The following RASGRF2 variants were observed in gnomAD, a reference collection of about 807,000 sequenced individuals.
RASGRF2 encodes the protein Ras protein specific guanine nucleotide releasing factor 2, also known as ras-specific guanine nucleotide-releasing factor 2.
In RASGRF2, 76 loss-of-function variants were observed where a neutral mutation model predicts 151.0. The ratio of observed to expected loss-of-function variants is 0.50; its 90% CI spans 0.42 to 0.61. The LOEUF (loss-of-function observed/expected upper bound fraction) is 0.61. Ranked by LOEUF, RASGRF2 falls within the 20% of genes least tolerant of loss-of-function variation. The pLI is 0.00. For missense variants in RASGRF2, 1,148 were observed against 1,564.6 expected, an observed-to-expected ratio of 0.73 and a Z score of 4.49; for synonymous variants, 504 against 566.5, an observed-to-expected ratio of 0.89 and a Z score of 1.57.
At chr5:81,123,578 G>A in intron 15 of RASGRF2, 64 bp from the exon 16 acceptor site, 1 of 1,557,784 alleles carries the variant, frequency 6.4e-7, no homozygotes, top group Non-Finnish European at 8.7e-7. Flanking sequence ...TTCCATGCAT[G>A]ATACTGACAA....
In RASGRF2 at chr5:81,182,976, G is replaced by A. The variant is rs148651905; in HGVS notation, c.2793+2695G>A. ...GTTTTTGGTTTTCACATCATAAAGC[G>A]AAGGGCTTGGATACGATGATTTTTA... On this transcript the variant is annotated intron_variant, in intron 18 of 26. Coordinates refer to ENST00000265080, the MANE Select transcript of RASGRF2 (RefSeq NM_006909.3). 1.4e-4 allele frequency among the ~76,000 whole-genome samples: 22 copies of A among 152,300 alleles called. No individual in the cohort carries two copies. The East Asian group carries it at 3.1e-3, about 21-fold the overall frequency.
At chr5:81,126,552 C>G (rs1349704887) in intron 16 of RASGRF2, among the ~76,000 whole-genome samples, 1 of 152,110 alleles carries the variant, frequency 6.6e-6, no homozygotes, top group Non-Finnish European at 1.5e-5. Context: ...TTAGCGGTCA[C>G]TCTCCATTCC....
intron 1 of RASGRF2, among the ~76,000 whole-genome samples, chr5:81,009,003 A>G (rs1055063512): frequency 2.0e-5 from 3 of 152,202 alleles, no homozygotes; most frequent in Admixed American, 6.5e-5. Flanking sequence ...GCTTTGCCAC[A>G]TAGATAGCTT....
chr5:81,207,312 C>T lies in RASGRF2; in HGVS notation c.3034C>T (p.Leu1012Phe). ...SAMELAEQIT[L>F]LDHVIFRSIP... ...CATGGAGCTGGCAGAACAGATCACCCTCCTGGACCATGTCATTTTCAGAAG... is the reference window on the plus strand; with the variant it reads ...CATGGAGCTGGCAGAACAGATCACCTTCCTGGACCATGTCATTTTCAGAAG... The change falls in exon 21 of 27, where the codon CTC becomes TTC. Residue 1012 changes from leucine (L) to phenylalanine (F), a missense_variant. Coordinates refer to ENST00000265080, the MANE Select transcript of RASGRF2 (RefSeq NM_006909.3). The T allele has an allele frequency of 6.2e-7, 1 of 1,614,168 alleles. No individual in the cohort carries two copies. The highest frequency in any genetic ancestry group is 8.5e-7 in the Non-Finnish European group (1 of 1,180,024).
At chr5:81,104,606 A>G (rs1190136838) in intron 12 of RASGRF2, among the ~76,000 whole-genome samples, 1 of 152,226 alleles carries the variant, frequency 6.6e-6, no homozygotes, top group South Asian at 2.1e-4. Flanking sequence ...ATGTGTATTC[A>G]TATTAGGTAT....
intron 12 of RASGRF2, among the ~76,000 whole-genome samples, chr5:81,101,663 TATCC>T (rs1312193616): frequency 6.6e-6 from 1 of 152,164 alleles, no homozygotes; most frequent in Admixed American, 6.5e-5. Context: ...TCCATGCATC[TATCC>T]ATCCATCCAT....
In RASGRF2 at chr5:81,116,264, G is replaced by C. The variant is rs191458339; in HGVS notation, c.2470+2344G>C. ...TGCCTTGCTAATTTTTGTATTTTTAGTAGAGACGGGCTTTCACCATGTTGG... is the reference window on the plus strand; with the variant it reads ...TGCCTTGCTAATTTTTGTATTTTTACTAGAGACGGGCTTTCACCATGTTGG... On this transcript the variant is annotated intron_variant, in intron 15 of 26. Coordinates refer to ENST00000265080, the MANE Select transcript of RASGRF2 (RefSeq NM_006909.3). Among the ~76,000 whole-genome samples the C allele has an allele frequency of 2.0e-5, 3 of 151,768 alleles. No individual in the cohort carries two copies. In the East Asian group the frequency reaches 5.8e-4, roughly 30 times the overall value.
At chr5:81,029,370 C>G (rs543282551) in intron 1 of RASGRF2, among the ~76,000 whole-genome samples, 1 of 152,222 alleles carries the variant, frequency 6.6e-6, no homozygotes, top group African/African-American at 2.4e-5. Flanking sequence ...CCCTGACCCC[C>G]GAGTAGCCCA....
chr5:81,117,492 T>C (rs1189430112), intron 15 of RASGRF2, among the ~76,000 whole-genome samples: 1 of 151,916 alleles, frequency 6.6e-6, no homozygotes, highest in Non-Finnish European at 1.5e-5. Flanking sequence ...GGCCTCATGA[T>C]ATAATCACCT....
At chr5:81,043,765 G>A (rs993365077) in intron 2 of RASGRF2, among the ~76,000 whole-genome samples, 1 of 152,020 alleles carries the variant, frequency 6.6e-6, no homozygotes, top group Non-Finnish European at 1.5e-5. Context: ...GTATTTTGGG[G>A]CAACACTCTA....
chr5:81,076,944 T>A (rs550326876), intron 5 of RASGRF2, among the ~76,000 whole-genome samples: 2 of 152,194 alleles, frequency 1.3e-5, no homozygotes, highest in South Asian at 4.2e-4. Context: ...GCAGAGTGGG[T>A]GGAGGATTGG....
At chr5:81,213,350 GAAA>G (rs1755665807) in intron 23 of RASGRF2, among the ~76,000 whole-genome samples, 1 of 151,802 alleles carries the variant, frequency 6.6e-6, no homozygotes, top group Admixed American at 6.6e-5. Context: ...GGGCGAGGGG[GAAA>G]GGGCCTCAAA....
chr5:81,035,938 A>T (rs1750475418), intron 1 of RASGRF2, among the ~76,000 whole-genome samples: 1 of 152,212 alleles, frequency 6.6e-6, no homozygotes, highest in Admixed American at 6.5e-5. Flanking sequence ...CAAATAACAG[A>T]TGTAAAAAGG....
At chr5:81,166,702 A>T (rs1336920096) in intron 17 of RASGRF2, among the ~76,000 whole-genome samples, 1 of 152,046 alleles carries the variant, frequency 6.6e-6, no homozygotes, top group Non-Finnish European at 1.5e-5. Flanking sequence ...CAGCGAAAGG[A>T]TGGTATCAGA....
intron 18 of RASGRF2, among the ~76,000 whole-genome samples, chr5:81,184,314 T>C (rs1754978627): frequency 6.6e-6 from 1 of 152,236 alleles, no homozygotes; most frequent in Admixed American, 6.5e-5. Flanking sequence ...GTTTCAGACC[T>C]GTAGTGCTAT....
chr5:80,998,376 A>G (rs958121739), intron 1 of RASGRF2, among the ~76,000 whole-genome samples: 1 of 152,046 alleles, frequency 6.6e-6, no homozygotes, highest in Non-Finnish European at 1.5e-5. Context: ...GATACCGTAC[A>G]TTCTGAGATT....
At chr5:81,079,316 A>G (rs990908666) in intron 5 of RASGRF2, among the ~76,000 whole-genome samples, 1 of 152,214 alleles carries the variant, frequency 6.6e-6, no homozygotes, top group Non-Finnish European at 1.5e-5. Flanking sequence ...TTAGAATCTC[A>G]TGGAGCCATT....
At chr5:81,080,011 C>T in intron 5 of RASGRF2, 110 bp from the exon 6 acceptor site, 4 of 1,365,364 alleles carry the variant, frequency 2.9e-6, no homozygotes, top group East Asian at 2.7e-5. Flanking sequence ...GTTTGGAGGC[C>T]CTATGGGACA....
intron 2 of RASGRF2, among the ~76,000 whole-genome samples, chr5:81,043,316 C>T (rs972883857): frequency 6.6e-6 from 1 of 152,120 alleles, no homozygotes; most frequent in Non-Finnish European, 1.5e-5. Flanking sequence ...GCAAGAGGGG[C>T]ATTATAATTC....
Sources: allele counts gnomAD v4.1 joint callset (sites outside exome capture counted in the v4.1 genomes callset), GRCh38; gene constraint gnomAD v4.1.1; transcripts MANE v1.5; gene names NCBI Gene and HGNC (gene_info 2026-07-23, HGNC 2026-07-21).